Variants in HS3ST4 observed in about 807,000 individuals in gnomAD.
HS3ST4 encodes heparan sulfate-glucosamine 3-sulfotransferase 4.
In HS3ST4, 17 loss-of-function variants were observed where a neutral mutation model predicts 29.2. The observed-to-expected ratio is 0.58, with a 90% CI of 0.40 to 0.87. HS3ST4 has a LOEUF of 0.87. Ranked by LOEUF, HS3ST4 falls within the 40% of genes least tolerant of loss-of-function variation. HS3ST4 has a pLI of 0.00. For missense variants in HS3ST4, 627 were observed against 634.5 expected, an observed-to-expected ratio of 0.99 and a Z score of 0.13; for synonymous variants, 314 against 285.7, an observed-to-expected ratio of 1.10 and a Z score of -1.00.
chr16:25,720,616 A>G (rs998377468), intron 1 of HS3ST4, among the ~76,000 whole-genome samples: 1 of 152,204 alleles, frequency 6.6e-6, no homozygotes, highest in Non-Finnish European at 1.5e-5. Context: ...TCCATGAAAA[A>G]GAATCCCATT....
At chr16:25,884,152 A>T (rs575109389) in intron 1 of HS3ST4, among the ~76,000 whole-genome samples, 2 of 152,124 alleles carry the variant, frequency 1.3e-5, no homozygotes, top group South Asian at 2.1e-4. Flanking sequence ...GTTCAGAGCC[A>T]TGTCTCTAAA....
intron 1 of HS3ST4, among the ~76,000 whole-genome samples, chr16:26,074,138 G>A (rs900678973): frequency 5.9e-5 from 9 of 151,944 alleles, no homozygotes; most frequent in African/African-American, 2.2e-4. Context: ...GGCTCCCTCC[G>A]TGCCCCACAT....
At chr16:25,725,109 T>C (rs931155800) in intron 1 of HS3ST4, among the ~76,000 whole-genome samples, 4 of 151,848 alleles carry the variant, frequency 2.6e-5, no homozygotes, top group Admixed American at 2.6e-4. Flanking sequence ...AGGATACTTT[T>C]AATTCTACTA....
chr16:25,845,527 G>T (rs1967456974), intron 1 of HS3ST4, among the ~76,000 whole-genome samples: 1 of 151,896 alleles, frequency 6.6e-6, no homozygotes, highest in Admixed American at 6.6e-5. Flanking sequence ...AACAACAAAT[G>T]TAAGAATCTA....
chr16:25,968,086 A>G (rs760718352), intron 1 of HS3ST4, among the ~76,000 whole-genome samples: 3 of 152,098 alleles, frequency 2.0e-5, no homozygotes, highest in Non-Finnish European at 2.9e-5. Context: ...AGGGGAGGGA[A>G]GGGAGAGGGA....
intron 1 of HS3ST4, among the ~76,000 whole-genome samples, chr16:25,973,138 C>T (rs1210742334): frequency 2.0e-5 from 3 of 152,034 alleles, no homozygotes; most frequent in African/African-American, 7.2e-5. Flanking sequence ...GTTGTGCTGT[C>T]GGGGGAAGGC....
intron 1 of HS3ST4, among the ~76,000 whole-genome samples, chr16:25,722,447 T>G (rs1412111051): frequency 2.0e-5 from 3 of 152,224 alleles, no homozygotes; most frequent in Non-Finnish European, 4.4e-5. Flanking sequence ...TTCCTTTTCT[T>G]TTGTTTGATT....
chr16:25,874,283 T>A (rs1967804340), intron 1 of HS3ST4, among the ~76,000 whole-genome samples: 1 of 152,130 alleles, frequency 6.6e-6, no homozygotes, highest in African/African-American at 2.4e-5. Flanking sequence ...TAACATTTAG[T>A]CCACAGCAAC....
chr16:25,924,328 C>T (rs918560452), intron 1 of HS3ST4, among the ~76,000 whole-genome samples: 5 of 152,038 alleles, frequency 3.3e-5, no homozygotes, highest in African/African-American at 1.2e-4. Context: ...AAATAATAGC[C>T]CCTCTCGTTT....
intron 1 of HS3ST4, among the ~76,000 whole-genome samples, chr16:25,994,546 C>T (rs1969142825): frequency 6.6e-6 from 1 of 152,120 alleles, no homozygotes; most frequent in African/African-American, 2.4e-5. Context: ...ATGCAATTAA[C>T]TTGATCCCAC....
At chr16:26,121,058 A>G (rs6497925) in intron 1 of HS3ST4, among the ~76,000 whole-genome samples, 86,803 of 152,040 alleles carry the variant, frequency 0.57, 25,348 homozygotes, top group South Asian at 0.69. Context: ...GATCTTGCTC[A>G]TGATTGGAAT....
At chr16:26,070,934 A>G (rs528995014) in intron 1 of HS3ST4, among the ~76,000 whole-genome samples, 43 of 152,326 alleles carry the variant, frequency 2.8e-4, no homozygotes, top group African/African-American at 9.9e-4. Flanking sequence ...AGCAGAAAGC[A>G]TTTCAGGAAA....
At chr16:26,026,378 G>A (rs1261772557) in intron 1 of HS3ST4, among the ~76,000 whole-genome samples, 3 of 152,182 alleles carry the variant, frequency 2.0e-5, no homozygotes, top group African/African-American at 4.8e-5. Flanking sequence ...GTTCGTTATT[G>A]CACCTAGGAG....
At chr16:26,119,394 T>G (rs1261852114) in intron 1 of HS3ST4, among the ~76,000 whole-genome samples, 3 of 152,134 alleles carry the variant, frequency 2.0e-5, no homozygotes, top group Admixed American at 2.0e-4. Flanking sequence ...AGAATATGTT[T>G]TAGAAATAGA....
intron 1 of HS3ST4, among the ~76,000 whole-genome samples, chr16:25,757,275 G>A (rs1461727832): frequency 1.3e-5 from 2 of 152,074 alleles, no homozygotes; most frequent in South Asian, 4.1e-4. Context: ...TTTGAAATTG[G>A]GAGTTGTGAG....
chr16:25,716,791 C>T (rs140310845), intron 1 of HS3ST4, among the ~76,000 whole-genome samples: 4 of 152,302 alleles, frequency 2.6e-5, no homozygotes, highest in African/African-American at 4.8e-5. Flanking sequence ...CGGTGGCTCA[C>T]GCCTGTAATC....
chr16:25,931,534 G>A lies in HS3ST4; in HGVS notation c.735-204078G>A, dbSNP rs556055641. Among the ~76,000 whole-genome samples, 131 of 152,280 alleles carry A rather than the reference G, an allele frequency of 8.6e-4. 1 individual carries two copies. Among genetic ancestry groups the A allele is most frequent in the African/African-American group, 3.0e-3 (124 of 41,560 alleles). On this transcript the variant is annotated intron_variant, in intron 1 of 1. Transcript: ENST00000331351. ...AAATTCAGATTCGCTCTTTATTCCC[G>A]AAAGCAAAAGCACCTTCAATGGGCA...
chr16:25,860,405 A>G (rs936427166), intron 1 of HS3ST4, among the ~76,000 whole-genome samples: 1 of 152,184 alleles, frequency 6.6e-6, no homozygotes, highest in African/African-American at 2.4e-5. Flanking sequence ...AAACCTGCAC[A>G]TGAGTGTTTA....
chr16:26,005,282 A>T (rs991016703), intron 1 of HS3ST4, among the ~76,000 whole-genome samples: 1 of 152,172 alleles, frequency 6.6e-6, no homozygotes, highest in African/African-American at 2.4e-5. Flanking sequence ...AACGAAGGTG[A>T]CTTTGTTTTT....
Sources: allele counts gnomAD v4.1 joint callset (sites outside exome capture counted in the v4.1 genomes callset), GRCh38; gene constraint gnomAD v4.1.1; transcripts MANE v1.5; gene names NCBI Gene and HGNC (gene_info 2026-07-23, HGNC 2026-07-21).